The following CRTAM variants were observed in gnomAD, a reference collection of about 807,000 sequenced individuals.
CRTAM encodes cytotoxic and regulatory T-cell molecule.
In CRTAM, 44 loss-of-function variants were observed where a neutral mutation model predicts 50.0. That is an observed-to-expected ratio of 0.88 (90% CI 0.69 to 1.13). The LOEUF (loss-of-function observed/expected upper bound fraction) is 1.13, where lower values mean the gene tolerates loss of function less well. Ranked by LOEUF, CRTAM falls within the 50% of genes most tolerant of loss-of-function variation. CRTAM has a pLI of 0.00. For synonymous variants in CRTAM, 159 were observed against 169.3 expected, an observed-to-expected ratio of 0.94 and a Z score of 0.47; for missense variants, 448 against 457.5, an observed-to-expected ratio of 0.98 and a Z score of 0.19.
intron 5 of CRTAM, among the ~76,000 whole-genome samples, chr11:122,861,538 C>T (rs111686398): frequency 0.1 from 15,068 of 145,530 alleles, 847 homozygotes; most frequent in Non-Finnish European, 0.12. Context: ...CAGGTTCAAG[C>T]AATTCTCTTG....
At chr11:122,854,173 A>G in intron 4 of CRTAM, 87 bp downstream of exon 4, 11 of 1,321,808 alleles carry the variant, frequency 8.3e-6, no homozygotes, top group Non-Finnish European at 1.1e-5. Flanking sequence ...CTAGTGGCAG[A>G]CAATGCCAGA....
intron 7 of CRTAM, 91 bp from the exon 8 acceptor site, chr11:122,867,318 C>A: frequency 8.7e-7 from 1 of 1,143,486 alleles, no homozygotes; most frequent in Non-Finnish European, 1.2e-6. Flanking sequence ...TAGCTTATAT[C>A]ACATTGTAGA....
Position 122,844,842 on chromosome 11 carries a change from A to G in CRTAM, c.47-5226A>G, listed in dbSNP as rs532118262. 7.2e-5 allele frequency among the ~76,000 whole-genome samples: 11 copies of G among 152,334 alleles called. No individual in the cohort carries two copies. In the East Asian group the frequency reaches 1.7e-3, roughly 24 times the overall value. ...TTAACCTCTGAGCTTTGATGCCCTC[A>G]TCTGTGAAATGGGAATAACAACACC... On this transcript the variant is annotated intron_variant, in intron 1 of 9. Transcript: ENST00000227348.
intron 6 of CRTAM, among the ~76,000 whole-genome samples, chr11:122,864,050 T>G (rs1176546173): frequency 6.6e-6 from 1 of 152,144 alleles, no homozygotes; most frequent in Non-Finnish European, 1.5e-5. Flanking sequence ...AAAAACATCA[T>G]AGTACATCCC....
chr11:122,869,178 C>T (rs1260732599), intron 9 of CRTAM, among the ~76,000 whole-genome samples: 1 of 152,044 alleles, frequency 6.6e-6, no homozygotes, highest in African/African-American at 2.4e-5. Flanking sequence ...TTTGGGAAGC[C>T]ATCCTTGACT....
chr11:122,867,685 A>G (rs1393532362), intron 8 of CRTAM, 130 bp downstream of exon 8: 8 of 935,730 alleles, frequency 8.5e-6, no homozygotes. Flanking sequence ...TGTCTCAGAT[A>G]AGCAATTGTT....
chr11:122,862,582 T>C (rs202149204), intron 6 of CRTAM, 38 bp downstream of exon 6: 12 of 1,278,284 alleles, frequency 9.4e-6, no homozygotes, highest in Non-Finnish European at 4.5e-6. Context: ...TTTTAAAAAA[T>C]CACGTTTCCT....
intron 3 of CRTAM, among the ~76,000 whole-genome samples, chr11:122,852,313 T>C (rs1222482173): frequency 2.6e-5 from 4 of 152,150 alleles, no homozygotes; most frequent in East Asian, 1.9e-4. Flanking sequence ...TCAAATCCTC[T>C]CTGCCAAACA....
At position 122,854,087 on chromosome 11, in the gene CRTAM, G is replaced by C; in HGVS notation, c.490+1G>C. The C allele has an allele frequency of 1.9e-6, 3 of 1,609,724 alleles. No homozygotes were observed. In the Admixed American group the frequency reaches 5.1e-5, roughly 27 times the overall value. ...CTTGGGAATAGCATGGAAGTGTCCG[G>C]TAAGGGGAGAAATGGTTCTCTTTGT... is the stretch of plus-strand genomic sequence containing the variant. On this transcript the variant is annotated splice_donor_variant, in intron 4 of 9. Coordinates refer to ENST00000227348, the MANE Select transcript of CRTAM (RefSeq NM_019604.4). LOFTEE classifies it high-confidence loss of function.
chr11:122,868,925 C>T (rs1170427055), intron 9 of CRTAM, among the ~76,000 whole-genome samples: 2 of 152,088 alleles, frequency 1.3e-5, no homozygotes, highest in South Asian at 2.1e-4. Flanking sequence ...AGGAGAATGG[C>T]GTGAACCCGG....
chr11:122,871,062 G>C (rs1461213290), intron 9 of CRTAM, among the ~76,000 whole-genome samples: 1 of 152,024 alleles, frequency 6.6e-6, no homozygotes, highest in Admixed American at 6.6e-5. Flanking sequence ...CTGGGTGGCA[G>C]AGTGAGAACC....
At position 122,855,787 on chromosome 11, in the gene CRTAM, G is replaced by A. The variant is rs752205461; in HGVS notation, c.583G>A (p.Asp195Asn). Reference sequence around the variant, plus strand: ...CACTTATGGCAAAAATTCAACGGTGGACTGCATTATCCGACACAGAGGCCT... The same window carrying A: ...CACTTATGGCAAAAATTCAACGGTGAACTGCATTATCCGACACAGAGGCCT... ...IHTYGKNSTV[D>N]CIIRHRGLQG... The change falls in exon 5 of 10, where the codon GAC (aspartate) becomes AAC (asparagine). Residue 195 changes from aspartate (D) to asparagine (N), a missense_variant. Coordinates refer to ENST00000227348, the MANE Select transcript of CRTAM (RefSeq NM_019604.4). 6.2e-7 allele frequency: 1 copy of A among 1,614,058 alleles called. No homozygotes were observed. The highest frequency in any genetic ancestry group is 1.1e-5 in the South Asian group (1 of 91,074).
At chr11:122,843,769 G>T (rs1861827607) in intron 1 of CRTAM, among the ~76,000 whole-genome samples, 1 of 152,174 alleles carries the variant, frequency 6.6e-6, no homozygotes, top group South Asian at 2.1e-4. Context: ...GAAGACCCTG[G>T]GGAACTTGTC....
At chr11:122,869,743 C>T (rs1165354233) in intron 9 of CRTAM, among the ~76,000 whole-genome samples, 1 of 152,162 alleles carries the variant, frequency 6.6e-6, no homozygotes, top group African/African-American at 2.4e-5. Context: ...ACCTCTGCCT[C>T]TTTAGGTTTT....
chr11:122,863,337 GAAAGAAAGAAAGAA>G (rs201942450), intron 6 of CRTAM, among the ~76,000 whole-genome samples: 13,863 of 106,068 alleles, frequency 0.13, 753 homozygotes, highest in Middle Eastern at 0.24. Context: ...AAGAAAGAAA[GAAAGAAAGAAAGAA>G]AAAGAAAGAA....
Position 122,868,188 on chromosome 11 carries a change from ATGTGTGTGTGTGTG to A in CRTAM, c.1051+125_1051+138del, listed in dbSNP as rs58440037. 1,144 of 439,812 alleles carry A rather than the reference ATGTGTGTGTGTGTG, an allele frequency of 2.6e-3. 3 individuals are homozygous for A. The highest frequency in any genetic ancestry group is 9.2e-3 in the South Asian group (324 of 35,096). 27.2% of individuals were successfully genotyped at this position (439,812 alleles called of 1,614,324 possible). A position where few individuals can be genotyped will look rare whatever the true frequency, so the allele number is the denominator to read the frequency against. On this transcript the variant is annotated intron_variant, in intron 9 of 9. Coordinates refer to ENST00000227348, the MANE Select transcript of CRTAM (RefSeq NM_019604.4). The stretch of plus-strand genomic sequence containing the variant: ...TCCAGAGAGACAGAGACAACAGAAT[ATGTGTGTGTGTGTG>A]TGTGTGTGTGTGTGTGTGTGTGTGT...
At chr11:122,842,149 C>T (rs1333272684) in intron 1 of CRTAM, among the ~76,000 whole-genome samples, 2 of 152,130 alleles carry the variant, frequency 1.3e-5, no homozygotes, top group Admixed American at 1.3e-4. Context: ...CACGACATGG[C>T]AAAGGAGGAG....
At chr11:122,861,463 C>G (rs1045508736) in intron 5 of CRTAM, among the ~76,000 whole-genome samples, 1 of 115,806 alleles carries the variant, frequency 8.6e-6, no homozygotes, top group African/African-American at 3.3e-5. Flanking sequence ...GAGGGAGTCT[C>G]CTCGCTCTGT....
intron 3 of CRTAM, among the ~76,000 whole-genome samples, chr11:122,852,104 A>T (rs1346394807): frequency 6.6e-6 from 1 of 152,152 alleles, no homozygotes. Context: ...AGAAAAATTG[A>T]TATTTGATGA....
Sources: allele counts gnomAD v4.1 joint callset (sites outside exome capture counted in the v4.1 genomes callset), GRCh38; gene constraint gnomAD v4.1.1; transcripts MANE v1.5; gene names NCBI Gene and HGNC (gene_info 2026-07-23, HGNC 2026-07-21).